MSH4: variants seen among roughly 807,000 people sequenced by gnomAD.
MSH4 encodes the protein mutS protein homolog 4.
MSH4 carries 106 observed loss-of-function variants against 113.7 expected under a neutral mutation model. The ratio of observed to expected loss-of-function variants is 0.93; its 90% CI spans 0.80 to 1.10. The LOEUF is 1.10. Ranked by LOEUF, MSH4 falls within the 50% of genes least tolerant of loss-of-function variation. MSH4 has a pLI of 0.00. For missense variants in MSH4, 1,061 were observed against 1,093.7 expected (o/e 0.97, Z 0.42); for synonymous variants, 368 against 380.2 (o/e 0.97, Z 0.37).
rs1652384742 is a variant in MSH4 at position 75,896,391 on chromosome 1, AC to A, written c.2356-1515del. ...CACACACACACACACACACACACACACACCCTATTGGTCTCTTTCTCTGGAG... is the reference window on the plus strand; with the variant it reads ...CACACACACACACACACACACACACAACCCTATTGGTCTCTTTCTCTGGAG... On this transcript the variant is annotated intron_variant, in intron 17 of 19. Transcript: ENST00000263187. Among the ~76,000 whole-genome samples, 3 of 102,194 alleles carry A rather than the reference AC, an allele frequency of 2.9e-5. No individual in the cohort carries two copies. In the South Asian group the frequency reaches 9.8e-4, roughly 33 times the overall value. The allele number at this position is 102,194 out of a possible 152,430, so 67.0% of individuals were successfully genotyped here.
At chr1:75,881,495 C>A in intron 14 of MSH4, 125 bp downstream of exon 14, 1 of 931,960 alleles carries the variant, frequency 1.1e-6, no homozygotes. Context: ...GCCTCTGGTC[C>A]TAGACTAAGA....
At chr1:75,826,376 T>C (rs1163262931) in intron 7 of MSH4, among the ~76,000 whole-genome samples, 4 of 152,084 alleles carry the variant, frequency 2.6e-5, no homozygotes, top group Non-Finnish European at 5.9e-5. Flanking sequence ...TTAGTCTGCA[T>C]AGTGGTCTAT....
At chr1:75,867,649 GA>G in intron 9 of MSH4, 61 bp downstream of exon 9, 3 of 1,178,006 alleles carry the variant, frequency 2.5e-6, no homozygotes, top group African/African-American at 1.6e-5. Flanking sequence ...CTTTTTGTTG[GA>G]AAAAAATTTC....
intron 7 of MSH4, among the ~76,000 whole-genome samples, chr1:75,831,058 A>G (rs1240008525): frequency 6.6e-6 from 1 of 152,224 alleles, no homozygotes. Flanking sequence ...TCACTTGCAG[A>G]GACACACATA....
chr1:75,833,740 C>G (rs11161707), intron 7 of MSH4, among the ~76,000 whole-genome samples: 145,505 of 152,276 alleles, frequency 0.96, 69,882 homozygotes, highest in East Asian at 1. Context: ...TACGTAGAAA[C>G]CTGAAACTGG....
chr1:75,802,443 G>A (rs938695092), intron 1 of MSH4, among the ~76,000 whole-genome samples: 2 of 152,080 alleles, frequency 1.3e-5, no homozygotes, highest in African/African-American at 4.8e-5. Flanking sequence ...AGAGAGTTGT[G>A]GAAATCAAAG....
chr1:75,843,870 G>C (rs1424987543), intron 7 of MSH4, among the ~76,000 whole-genome samples: 1 of 151,912 alleles, frequency 6.6e-6, no homozygotes, highest in Non-Finnish European at 1.5e-5. Context: ...GGAATGCAAT[G>C]GAGTGATCTC....
Position 75,807,016 on chromosome 1 carries a change from T to G in MSH4, c.463T>G (p.Ser155Ala). Residue 155 changes from serine to alanine, a missense_variant, in exon 3 of 20, where the codon TCA becomes GCA. Physicochemically the swap from Ser to Ala is moderately conservative, Grantham distance 99. Transcript: ENST00000263187. ...ATCTGCGATTTCTGCACACTCCCCA[T>G]CAGTTATTGTAGCTGTTGTAGAAGG... The part of the protein sequence containing the change: ...SSSAISAHSP[S>A]VIVAVVEGRG... The G allele has an allele frequency of 6.3e-7, 1 of 1,584,932 alleles. No homozygotes were observed. The highest frequency in any genetic ancestry group is 1.4e-5 in the African/African-American group (1 of 73,062).
intron 8 of MSH4, among the ~76,000 whole-genome samples, chr1:75,852,677 A>C (rs1405011468): frequency 6.6e-6 from 1 of 152,196 alleles, no homozygotes; most frequent in Non-Finnish European, 1.5e-5. Context: ...TTGGAGAAAT[A>C]TTTATTAATA....
At chr1:75,903,792 G>A (rs1652561209) in intron 19 of MSH4, among the ~76,000 whole-genome samples, 1 of 151,996 alleles carries the variant, frequency 6.6e-6, no homozygotes, top group Non-Finnish European at 1.5e-5. Context: ...GGTTTTCTAA[G>A]TATAATATGT....
chr1:75,881,423 T>G lies in MSH4; in HGVS notation c.1906+53T>G, dbSNP rs796426754. 36 of 1,557,334 alleles carry G rather than the reference T, an allele frequency of 2.3e-5. No individual in the cohort carries two copies. The African/African-American group carries it at 4.6e-4, about 20-fold the overall frequency. ...ATTGCATAGTTAAATTTGTATTCGA[T>G]TCAAACAATTTGATATAATAGTTAT... On this transcript the variant is annotated intron_variant, in intron 14 of 19. Transcript: ENST00000263187.
At chr1:75,848,120 T>C (rs547161284) in intron 7 of MSH4, 89 bp from the exon 8 acceptor site, 1 of 835,068 alleles carries the variant, frequency 1.2e-6, no homozygotes, top group African/African-American at 1.7e-5. Context: ...AACTGTTCTA[T>C]TTTATTCTTT....
intron 9 of MSH4, among the ~76,000 whole-genome samples, chr1:75,872,472 G>A (rs115683355): frequency 0.021 from 3,245 of 152,264 alleles, 116 homozygotes; most frequent in African/African-American, 0.074. Flanking sequence ...AGTGTCAAAG[G>A]TCTTAAAGAA....
intron 19 of MSH4, among the ~76,000 whole-genome samples, chr1:75,909,788 A>G (rs1652749267): frequency 6.6e-6 from 1 of 152,040 alleles, no homozygotes; most frequent in African/African-American, 2.4e-5. Flanking sequence ...CACTTTCTAC[A>G]GATAATCTGC....
intron 9 of MSH4, 115 bp downstream of exon 9, chr1:75,867,703 T>C: frequency 1.6e-6 from 1 of 644,738 alleles, no homozygotes; most frequent in Non-Finnish European, 2.7e-6. Flanking sequence ...ATTTCCCATA[T>C]TTTTTTTCTT....
intron 7 of MSH4, among the ~76,000 whole-genome samples, chr1:75,828,604 A>G (rs533580522): frequency 6.6e-6 from 1 of 152,302 alleles, no homozygotes; most frequent in South Asian, 2.1e-4. Flanking sequence ...GGAGCTAAAC[A>G]TTGGGTACAC....
At position 75,890,825 on chromosome 1, in the gene MSH4, G is replaced by T. The variant is rs774501542; in HGVS notation, c.2355+1G>T. On this transcript the variant is annotated splice_donor_variant, in intron 17 of 19. Coordinates refer to ENST00000263187, the MANE Select transcript of MSH4 (RefSeq NM_002440.4). LOFTEE classifies it high-confidence loss of function. The stretch of plus-strand genomic sequence containing the variant: ...TTGTGAATATCTACTGAGCTTAAAG[G>T]TATTCTTTTATTTTAAGTATATTGA... The T allele has an allele frequency of 1.9e-6, 3 of 1,547,344 alleles. No individual in the cohort carries two copies. The highest frequency in any genetic ancestry group is 2.3e-5 in the South Asian group (2 of 86,012).
intron 8 of MSH4, among the ~76,000 whole-genome samples, chr1:75,857,993 G>A (rs1182115810): frequency 6.6e-6 from 1 of 152,168 alleles, no homozygotes; most frequent in Non-Finnish European, 1.5e-5. Flanking sequence ...TCCCTTGTAA[G>A]TTGGATTCCT....
chr1:75,832,242 G>A (rs1421743722), intron 7 of MSH4, among the ~76,000 whole-genome samples: 1 of 152,174 alleles, frequency 6.6e-6, no homozygotes, highest in Admixed American at 6.5e-5. Context: ...CCAGGAAGAA[G>A]TTGAATCTCT....
Sources: gnomAD v4.1 joint callset for allele counts (sites outside exome capture counted in the v4.1 genomes callset) on GRCh38, gnomAD v4.1.1 for gene constraint, MANE v1.5 for transcripts, NCBI Gene and HGNC (gene_info 2026-07-23, HGNC 2026-07-21) for gene names.